NCALD: variants seen among roughly 807,000 people sequenced by gnomAD.
NCALD encodes neurocalcin delta.
A neutral mutation model predicts 18.6 loss-of-function variants in NCALD; 10 were observed. The ratio of observed to expected loss-of-function variants is 0.54; its 90% confidence interval spans 0.33 to 0.91. NCALD has a LOEUF of 0.91. Among genes scored for constraint, NCALD ranks in the 40% least tolerant of loss-of-function variants. The probability of loss-of-function intolerance (pLI) is 0.03; values close to 1 mark genes in which losing one functional copy is unlikely to be tolerated. For synonymous variants in NCALD, 88 were observed against 87.4 expected (o/e 1.01, Z -0.04); for missense variants, 184 against 247.6 (o/e 0.74, Z 1.72).
chr8:101,814,198 CA>C (rs201346024), intron 4 of NCALD, among the ~76,000 whole-genome samples: 2 of 151,790 alleles, frequency 1.3e-5, no homozygotes, highest in South Asian at 4.2e-4. Context: ...AAAGACATAA[CA>C]AAAAAACTAT....
At chr8:101,883,018 TA>T (rs1405071199) in intron 4 of NCALD, among the ~76,000 whole-genome samples, 2 of 152,246 alleles carry the variant, frequency 1.3e-5, no homozygotes, top group Non-Finnish European at 2.9e-5. Flanking sequence ...CTAGATATGC[TA>T]AATGTGCAAA....
intron 1 of NCALD, among the ~76,000 whole-genome samples, chr8:102,049,586 G>C (rs1235869383): frequency 2.6e-5 from 4 of 152,142 alleles, no homozygotes; most frequent in Non-Finnish European, 4.4e-5. Flanking sequence ...TATATGGTTT[G>C]AGTATATTTA....
chr8:101,696,304 A>G (rs1213206784), intron 2 of NCALD, among the ~76,000 whole-genome samples: 3 of 152,236 alleles, frequency 2.0e-5, no homozygotes, highest in East Asian at 1.9e-4. Flanking sequence ...TAAGGCAGAC[A>G]TTAGTAAAAT....
At chr8:101,901,613 C>T (rs1009996174) in intron 3 of NCALD, among the ~76,000 whole-genome samples, 1 of 152,114 alleles carries the variant, frequency 6.6e-6, no homozygotes, top group Non-Finnish European at 1.5e-5. Context: ...CCTCCCTTTA[C>T]ATTCCTTTAC....
At chr8:101,966,564 A>G (rs1230669877) in intron 2 of NCALD, among the ~76,000 whole-genome samples, 1 of 152,070 alleles carries the variant, frequency 6.6e-6, no homozygotes, top group Non-Finnish European at 1.5e-5. Context: ...GCACACCAAC[A>G]TGGCACATGT....
chr8:102,050,550 A>G (rs946246155), intron 1 of NCALD, among the ~76,000 whole-genome samples: 12 of 150,800 alleles, frequency 8.0e-5, no homozygotes, highest in South Asian at 6.3e-4. Flanking sequence ...AGCACTTCCA[A>G]TTTTTTTAGG....
intron 3 of NCALD, among the ~76,000 whole-genome samples, chr8:101,913,692 C>T (rs1817879762): frequency 6.6e-6 from 1 of 152,196 alleles, no homozygotes; most frequent in Non-Finnish European, 1.5e-5. Context: ...AAGCAACTCT[C>T]CTGCCTTAGC....
chr8:101,804,096 T>C (rs1563785400), intron 4 of NCALD, among the ~76,000 whole-genome samples: 1 of 151,996 alleles, frequency 6.6e-6, no homozygotes, highest in Non-Finnish European at 1.5e-5. Flanking sequence ...GCAAAAAGAT[T>C]AGAACTTGCT....
intron 1 of NCALD, among the ~76,000 whole-genome samples, chr8:102,054,388 A>G (rs1253434587): frequency 2.6e-5 from 4 of 152,166 alleles, no homozygotes; most frequent in Non-Finnish European, 1.5e-5. Flanking sequence ...TGGGTGGCCA[A>G]CTGCACCACT....
intron 2 of NCALD, among the ~76,000 whole-genome samples, chr8:101,957,372 C>A (rs2131836878): frequency 6.7e-6 from 1 of 148,582 alleles, no homozygotes; most frequent in Middle Eastern, 3.5e-3. Context: ...AAGTTGCCCT[C>A]CGCAGCCAAA....
chr8:102,112,926 G>T (rs1029375920), intron 1 of NCALD, among the ~76,000 whole-genome samples: 2 of 152,158 alleles, frequency 1.3e-5, no homozygotes, highest in Admixed American at 1.3e-4. Context: ...GCAGCCTGAG[G>T]CTCTCACCAG....
intron 1 of NCALD, among the ~76,000 whole-genome samples, chr8:101,743,546 C>T (rs1810301984): frequency 6.6e-6 from 1 of 152,076 alleles, no homozygotes; most frequent in African/African-American, 2.4e-5. Context: ...TTTATGGGCA[C>T]AGGGGGATGT....
chr8:101,945,089 G>A (rs1206177415), intron 2 of NCALD, among the ~76,000 whole-genome samples: 1 of 152,172 alleles, frequency 6.6e-6, no homozygotes, highest in African/African-American at 2.4e-5. Flanking sequence ...TATTCTTCTT[G>A]TTCCTCTGTT....
At chr8:101,714,135 T>C (rs1159093771) in intron 2 of NCALD, among the ~76,000 whole-genome samples, 1 of 152,256 alleles carries the variant, frequency 6.6e-6, no homozygotes, top group African/African-American at 2.4e-5. Flanking sequence ...TTGGAAGTTC[T>C]GGCCAGGGCA....
At chr8:101,910,661 C>T (rs1436190780) in intron 3 of NCALD, among the ~76,000 whole-genome samples, 10 of 152,208 alleles carry the variant, frequency 6.6e-5, no homozygotes, top group African/African-American at 2.4e-4. Context: ...AAACCCAGCT[C>T]TTTTGACAAA....
chr8:101,983,273 T>C (rs916127306), intron 2 of NCALD, among the ~76,000 whole-genome samples: 1 of 152,162 alleles, frequency 6.6e-6, no homozygotes. Context: ...TCTCAGGGGC[T>C]CTGCCGAGGG....
chr8:101,751,018 CAGAA>C (rs1193753691), intron 1 of NCALD, among the ~76,000 whole-genome samples: 9 of 152,158 alleles, frequency 5.9e-5, no homozygotes, highest in African/African-American at 1.9e-4. Flanking sequence ...CATCCAAGTG[CAGAA>C]ATGACCAGTG....
chr8:101,733,892 G>T (rs1816956103), intron 1 of NCALD, among the ~76,000 whole-genome samples: 1 of 152,226 alleles, frequency 6.6e-6, no homozygotes, highest in Non-Finnish European at 1.5e-5. Flanking sequence ...ACCCATTAGA[G>T]AAGCAGTTGA....
intron 4 of NCALD, among the ~76,000 whole-genome samples, chr8:101,833,610 G>GTTTTTT (rs555031298): frequency 1.0e-4 from 9 of 88,450 alleles, no homozygotes; most frequent in East Asian, 3.4e-4. Context: ...TTTGTTTCTT[G>GTTTTTT]TTTTTTTTTT....
Sources: gnomAD v4.1 joint callset for allele counts (sites outside exome capture counted in the v4.1 genomes callset) on GRCh38, gnomAD v4.1.1 for gene constraint, MANE v1.5 for transcripts, NCBI Gene and HGNC (gene_info 2026-07-23, HGNC 2026-07-21) for gene names.